The following PRAC2 variants were observed in gnomAD, a reference collection of about 807,000 sequenced individuals.
The protein encoded by PRAC2 is PRAC2 small nuclear protein.
For synonymous variants in PRAC2, 43 were observed against 49.5 expected (o/e 0.87, Z 0.55); for missense variants, 92 against 114.5 (o/e 0.80, Z 0.90).
chr17:48,724,100 T>C (rs2038176918), intron 1 of PRAC2, among the ~76,000 whole-genome samples: 1 of 152,242 alleles, frequency 6.6e-6, no homozygotes, highest in African/African-American at 2.4e-5. Flanking sequence ...TGTTCACACG[T>C]TTGTCCGAAT....
In PRAC2 at chr17:48,724,748, C is replaced by CT. The variant is rs1182626111; in HGVS notation, c.*66dup. The stretch of plus-strand genomic sequence containing the variant: ...CCTAACACACCAGTGGAATAAATCT[C>CT]TAAGATTCCACATCTTTTGTTTGCT... On this transcript the variant is annotated 3_prime_UTR_variant, in exon 2 of 2. Transcript: ENST00000422730. 15 of 866,626 alleles carry CT rather than the reference C, an allele frequency of 1.7e-5. No individual in the cohort carries two copies. The highest frequency in any genetic ancestry group is 2.1e-5 in the Non-Finnish European group (14 of 654,870). The allele number at this position is 866,626 out of a possible 1,614,324, so 53.7% of individuals were successfully genotyped here.
In PRAC2 at chr17:48,724,476, G is replaced by C; in HGVS notation, c.66G>C (p.Ser22=). ...SRRPTAFFFH[S]RWLVPNLLAF... ...GACCGACCGCCTTCTTCTTCCATTC[G>C]AGATGGCTCGTACCGAACCTCCTTG... Residue 22 remains serine (S), a synonymous_variant, in exon 2 of 2, where the codon TCG becomes TCC. Coordinates refer to ENST00000422730, the MANE Select transcript of PRAC2 (RefSeq NM_001282275.2). The C allele has an allele frequency of 1.6e-6, 2 of 1,234,164 alleles. No homozygotes were observed. Among genetic ancestry groups the C allele is most frequent in the Non-Finnish European group, 2.0e-6 (2 of 988,138 alleles). 76.5% of individuals were successfully genotyped at this position (1,234,164 alleles called of 1,614,324 possible). A position where few individuals can be genotyped will look rare whatever the true frequency, so the allele number is the denominator to read the frequency against.
Position 48,724,658 on chromosome 17 carries a change from G to A in PRAC2, c.248G>A (p.Cys83Tyr), listed in dbSNP as rs1439259434. 1 of 1,232,202 alleles carries A rather than the reference G, an allele frequency of 8.1e-7. No individual in the cohort carries two copies. The highest frequency in any genetic ancestry group is 1.0e-6 in the Non-Finnish European group (1 of 987,994). The allele number at this position is 1,232,202 out of a possible 1,614,324, so 76.3% of individuals were successfully genotyped here. ...KPVAPRTMKA[C>Y]PQVLLEW ...GTAGCTCCGCGGACGATGAAAGCCT[G>A]CCCGCAGGTTCTCCTGGAGTGGTGA... Residue 83 changes from cysteine to tyrosine, a missense_variant, in exon 2 of 2, where the codon TGC becomes TAC. Physicochemically the swap from Cys to Tyr is radical, Grantham distance 194. Transcript: ENST00000422730.
chr17:48,722,537 G>A (rs1159347894), upstream of PRAC2: 2 of 698,066 alleles, frequency 2.9e-6, 1 homozygote, highest in East Asian at 5.4e-5. Flanking sequence ...ACAGCACTGG[G>A]TGCCCCTCTC....
chr17:48,723,724 C>T (rs527292337), intron 1 of PRAC2: 47 of 1,231,782 alleles, frequency 3.8e-5, no homozygotes, highest in Middle Eastern at 3.1e-4. Context: ...CAGGTTCGCG[C>T]TCTGCGTTGC....
upstream of PRAC2, among the ~76,000 whole-genome samples, chr17:48,719,973 C>T (rs2038129571): frequency 6.6e-6 from 1 of 152,142 alleles, no homozygotes; most frequent in South Asian, 2.1e-4. Flanking sequence ...AGTTCAATGA[C>T]AAAAACCTGC....
chr17:48,719,038 G>T (rs2038120431), upstream of PRAC2, among the ~76,000 whole-genome samples: 1 of 152,172 alleles, frequency 6.6e-6, no homozygotes. Context: ...CCCTGCGCTC[G>T]AAGCGCCCCA....
chr17:48,721,306 C>T (rs562524323), upstream of PRAC2, among the ~76,000 whole-genome samples: 13 of 152,140 alleles, frequency 8.5e-5, no homozygotes, highest in South Asian at 2.7e-3. Context: ...GCCAGGGGCC[C>T]AGAGAAAAAG....
chr17:48,721,810 C>T (rs1734458491), upstream of PRAC2: 4 of 1,541,536 alleles, frequency 2.6e-6, no homozygotes, highest in Non-Finnish European at 3.5e-6. Context: ...CTCAAGGAAT[C>T]TTCCTGCCTC....
At chr17:48,722,619 A>G (rs932436503), upstream of PRAC2, 4 of 539,676 alleles carry the variant, frequency 7.4e-6, no homozygotes, top group South Asian at 8.7e-5. Context: ...AGCTGCAAGT[A>G]GGGGCGAAAG....
upstream of PRAC2, among the ~76,000 whole-genome samples, chr17:48,719,190 C>T (rs1356269441): frequency 6.7e-6 from 1 of 148,398 alleles, no homozygotes; most frequent in Non-Finnish European, 1.5e-5. Flanking sequence ...TCTTTAAACA[C>T]ACTCGCACGC....
At chr17:48,722,686 T>C (rs2038158612), upstream of PRAC2, among the ~76,000 whole-genome samples, 1 of 152,212 alleles carries the variant, frequency 6.6e-6, no homozygotes, top group Non-Finnish European at 1.5e-5. Context: ...CGAATCTCCC[T>C]GGACCTCCTG....
At chr17:48,721,918 T>C, upstream of PRAC2, 1 of 1,494,930 alleles carries the variant, frequency 6.7e-7, no homozygotes, top group Non-Finnish European at 8.9e-7. Flanking sequence ...TTTTACAATA[T>C]TTACAAATTT....
chr17:48,721,804 AG>A (rs1219757625), upstream of PRAC2: 2 of 1,540,186 alleles, frequency 1.3e-6, no homozygotes, highest in East Asian at 4.9e-5. Flanking sequence ...CCTGTGCTCA[AG>A]GAATCTTCCT....
chr17:48,720,880 T>G (rs917620076), upstream of PRAC2, among the ~76,000 whole-genome samples: 1 of 152,188 alleles, frequency 6.6e-6, no homozygotes, highest in Non-Finnish European at 1.5e-5. Context: ...AGAGGTATGT[T>G]GACAATAGAG....
At chr17:48,722,878 C>G (rs985228843), upstream of PRAC2, among the ~76,000 whole-genome samples, 1 of 152,140 alleles carries the variant, frequency 6.6e-6, no homozygotes, top group Non-Finnish European at 1.5e-5. Flanking sequence ...ACCCTCCCCC[C>G]AGGCTGGGCG....
upstream of PRAC2, among the ~76,000 whole-genome samples, chr17:48,719,265 G>A (rs892701966): frequency 6.6e-6 from 1 of 151,230 alleles, no homozygotes; most frequent in Non-Finnish European, 1.5e-5. Context: ...CACTACTACC[G>A]TCTGAGCAGG....
chr17:48,723,376 T>A (rs1401236196), intron 1 of PRAC2, 63 bp downstream of exon 1: 2 of 266,308 alleles, frequency 7.5e-6, no homozygotes, highest in Non-Finnish European at 1.4e-5. Flanking sequence ...ACAGGACGGG[T>A]TGGGGCCGGG....
upstream of PRAC2, among the ~76,000 whole-genome samples, chr17:48,718,965 C>G (rs780404956): frequency 2.0e-5 from 3 of 152,194 alleles, no homozygotes; most frequent in Non-Finnish European, 4.4e-5. Context: ...GTTGTCTCGC[C>G]CGATTTGGTA....
Sources: allele counts gnomAD v4.1 joint callset (sites outside exome capture counted in the v4.1 genomes callset), GRCh38; gene constraint gnomAD v4.1.1; transcripts MANE v1.5; gene names NCBI Gene and HGNC (gene_info 2026-07-23, HGNC 2026-07-21).